The following GRIK2 variants were observed in gnomAD, a reference collection of about 807,000 sequenced individuals.
GRIK2 encodes glutamate receptor ionotropic, kainate 2.
A neutral mutation model predicts 100.3 loss-of-function variants in GRIK2; 32 were observed. The ratio of observed to expected loss-of-function variants is 0.32; its 90% confidence interval spans 0.24 to 0.43. GRIK2 has a LOEUF of 0.43. Among genes scored for constraint, GRIK2 ranks in the 20% least tolerant of loss-of-function variants. The pLI, the probability that GRIK2 is intolerant of heterozygous loss-of-function variation, is 1.00. For missense variants in GRIK2, 843 were observed against 1,114.9 expected (o/e 0.76, Z 3.47); for synonymous variants, 417 against 389.4 (o/e 1.07, Z -0.83).
chr6:101,691,497 C>G (rs910127834), intron 7 of GRIK2, among the ~76,000 whole-genome samples: 2 of 151,956 alleles, frequency 1.3e-5, no homozygotes, highest in African/African-American at 4.8e-5. Context: ...GGGTTTTCAC[C>G]ATGTTGGCCA....
In GRIK2 at chr6:101,620,231, C is replaced by T. The variant is rs999302633; in HGVS notation, c.116-1718C>T. The T allele has an allele frequency of 1.6e-4, 145 of 896,200 alleles. 2 individuals are homozygous for T. The highest frequency in any genetic ancestry group is 1.9e-4 in the Non-Finnish European group (139 of 748,792). 55.5% of individuals were successfully genotyped at this position (896,200 alleles called of 1,614,324 possible). On this transcript the variant is annotated intron_variant, in intron 2 of 16. Coordinates refer to ENST00000369134, the MANE Select transcript of GRIK2 (RefSeq NM_021956.5). ...GGGTAGAGAGTAAAGAAGAATACCACTGTTCTTCTCCACATACACAGAAGG... is the reference window on the plus strand; with the variant it reads ...GGGTAGAGAGTAAAGAAGAATACCATTGTTCTTCTCCACATACACAGAAGG...
chr6:101,528,254 A>G (rs565711629), intron 2 of GRIK2, among the ~76,000 whole-genome samples: 1 of 152,254 alleles, frequency 6.6e-6, no homozygotes, highest in African/African-American at 2.4e-5. Flanking sequence ...GGGCCAGATG[A>G]GTTTTGGAGT....
At chr6:101,619,513 T>C (rs1482602612) in intron 2 of GRIK2, among the ~76,000 whole-genome samples, 1 of 151,974 alleles carries the variant, frequency 6.6e-6, no homozygotes, top group Non-Finnish European at 1.5e-5. Context: ...CTGGGTAAAA[T>C]ATTGATCCAA....
chr6:101,480,756 C>T (rs1446224226), intron 2 of GRIK2, among the ~76,000 whole-genome samples: 1 of 152,042 alleles, frequency 6.6e-6, no homozygotes, highest in Non-Finnish European at 1.5e-5. Flanking sequence ...ATGCAAAGTG[C>T]CTTATTCAGT....
chr6:101,604,913 G>A (rs1779376238), intron 2 of GRIK2, among the ~76,000 whole-genome samples: 1 of 151,920 alleles, frequency 6.6e-6, no homozygotes, highest in African/African-American at 2.4e-5. Context: ...TAAAATAGGT[G>A]TAGAAATTTG....
chr6:101,598,586 C>T lies in GRIK2; in HGVS notation c.116-23363C>T, dbSNP rs540423203. Among the ~76,000 whole-genome samples, 3 of 120,544 alleles carry T rather than the reference C, an allele frequency of 2.5e-5. No individual in the cohort carries two copies. The South Asian group carries it at 8.5e-4, about 34-fold the overall frequency. 79.1% of individuals were successfully genotyped at this position (120,544 alleles called of 152,430 possible). On this transcript the variant is annotated intron_variant, in intron 2 of 16. Coordinates refer to ENST00000369134, the MANE Select transcript of GRIK2 (RefSeq NM_021956.5). Reference sequence around the variant, plus strand: ...TTTTGTCTTGCTCCAGGGCTCTCTTCCTTAATAAAAAAAAAAAAAAAAAAA... The same window carrying T: ...TTTTGTCTTGCTCCAGGGCTCTCTTTCTTAATAAAAAAAAAAAAAAAAAAA...
chr6:102,017,004 GA>G (rs1212592700), intron 14 of GRIK2, among the ~76,000 whole-genome samples: 2 of 152,118 alleles, frequency 1.3e-5, no homozygotes. Context: ...TCCCAACCAA[GA>G]GTTCCATATC....
At chr6:101,995,309 T>A (rs1004059217) in intron 14 of GRIK2, among the ~76,000 whole-genome samples, 1 of 151,942 alleles carries the variant, frequency 6.6e-6, no homozygotes, top group Non-Finnish European at 1.5e-5. Context: ...TGTTCCCTAT[T>A]AAATTAATAA....
At chr6:101,456,315 A>T (rs1373820252) in intron 2 of GRIK2, among the ~76,000 whole-genome samples, 2 of 152,086 alleles carry the variant, frequency 1.3e-5, no homozygotes, top group East Asian at 3.9e-4. Flanking sequence ...AGGTACTCAC[A>T]CATTTTCAAT....
At chr6:101,584,351 T>C (rs62419653) in intron 2 of GRIK2, among the ~76,000 whole-genome samples, 1 of 151,978 alleles carries the variant, frequency 6.6e-6, no homozygotes, top group Admixed American at 6.6e-5. Flanking sequence ...TAGAGGAAGA[T>C]TTTTCTTCAA....
rs141247549 is a variant in GRIK2, at chr6:101,656,703, A to G, written c.542-19920A>G. Reference sequence around the variant, plus strand: ...AAAAAACACAGAAAGCTTCCCAGTTAAGGCTGTATTACATCTTTACTGAAG... The same window carrying G: ...AAAAAACACAGAAAGCTTCCCAGTTGAGGCTGTATTACATCTTTACTGAAG... On this transcript the variant is annotated intron_variant, in intron 4 of 16. Coordinates refer to ENST00000369134, the MANE Select transcript of GRIK2 (RefSeq NM_021956.5). Among the ~76,000 whole-genome samples, 6 of 152,316 alleles carry G rather than the reference A, an allele frequency of 3.9e-5. No homozygotes were observed. In the South Asian group the frequency reaches 1.0e-3, roughly 26 times the overall value.
rs770889344 is a variant in GRIK2, at chr6:102,055,565, C to A, written c.2547C>A (p.Asn849Lys). 2.5e-6 allele frequency: 4 copies of A among 1,603,488 alleles called. No individual in the cohort carries two copies. The highest frequency in any genetic ancestry group is 1.7e-5 in the Admixed American group (1 of 59,840). Residue 849 changes from asparagine (N) to lysine (K), a missense_variant, in exon 16 of 17, where the codon AAC (asparagine) becomes AAA (lysine). Physicochemically the swap from Asn to Lys is moderately conservative, Grantham distance 94. Transcript: ENST00000369134. ...AATTTTTATACAAATCCAAAAAAAACGCTCAATTGGAAAAGGTAAATGTTA... is the reference window on the plus strand; with the variant it reads ...AATTTTTATACAAATCCAAAAAAAAAGCTCAATTGGAAAAGGTAAATGTTA... ...VGEFLYKSKK[N>K]AQLEKRSFCS...
At chr6:101,557,053 C>G (rs1239599024) in intron 2 of GRIK2, among the ~76,000 whole-genome samples, 2 of 151,844 alleles carry the variant, frequency 1.3e-5, no homozygotes, top group Non-Finnish European at 2.9e-5. Context: ...GTTTCATTCT[C>G]TATATATTTA....
At chr6:101,979,149 G>T (rs1022123988) in intron 14 of GRIK2, among the ~76,000 whole-genome samples, 1 of 151,964 alleles carries the variant, frequency 6.6e-6, no homozygotes, top group African/African-American at 2.4e-5. Context: ...GTAAGAGAAA[G>T]CAAGAAAGTT....
chr6:101,411,021 C>T (rs902209510), intron 2 of GRIK2, among the ~76,000 whole-genome samples: 9 of 151,940 alleles, frequency 5.9e-5, no homozygotes, highest in Non-Finnish European at 7.4e-5. Flanking sequence ...TGATGCAGAG[C>T]GGATGTTGGA....
chr6:101,811,307 C>T (rs558382671), intron 9 of GRIK2, among the ~76,000 whole-genome samples: 11 of 152,024 alleles, frequency 7.2e-5, no homozygotes, highest in Admixed American at 2.0e-4. Context: ...CTGACACATT[C>T]TCCTGACATT....
intron 6 of GRIK2, among the ~76,000 whole-genome samples, chr6:101,685,423 C>T (rs984926044): frequency 3.9e-5 from 6 of 152,026 alleles, no homozygotes; most frequent in African/African-American, 1.2e-4. Context: ...TCCATAAGTT[C>T]GAGGGTTAGC....
At chr6:102,053,423 A>G (rs1408785658) in intron 15 of GRIK2, among the ~76,000 whole-genome samples, 2 of 152,150 alleles carry the variant, frequency 1.3e-5, no homozygotes, top group Admixed American at 6.6e-5. Flanking sequence ...TACATATCAC[A>G]GAGACTCAAG....
At chr6:101,550,530 G>A (rs1167867152) in intron 2 of GRIK2, among the ~76,000 whole-genome samples, 1 of 152,158 alleles carries the variant, frequency 6.6e-6, no homozygotes, top group African/African-American at 2.4e-5. Flanking sequence ...GCTTTGTAAT[G>A]TCATTGAGTA....
Sources: gnomAD v4.1 joint callset for allele counts (sites outside exome capture counted in the v4.1 genomes callset) on GRCh38, gnomAD v4.1.1 for gene constraint, MANE v1.5 for transcripts, NCBI Gene and HGNC (gene_info 2026-07-23, HGNC 2026-07-21) for gene names.